The following OPCML variants were observed in gnomAD, a reference collection of about 807,000 sequenced individuals.
OPCML encodes opioid binding protein/cell adhesion molecule like.
A neutral mutation model predicts 37.8 loss-of-function variants in OPCML; 13 were observed. The observed-to-expected ratio is 0.34, with a 90% CI of 0.22 to 0.55. The LOEUF (loss-of-function observed/expected upper bound fraction) is 0.55, where lower values mean the gene tolerates loss of function less well. Ranked by LOEUF, OPCML falls within the 20% of genes least tolerant of loss-of-function variation. The probability of loss-of-function intolerance (pLI) is 0.91; values close to 1 mark genes in which losing one functional copy is unlikely to be tolerated. For missense variants in OPCML, 341 were observed against 435.6 expected, an observed-to-expected ratio of 0.78 and a Z score of 1.93; for synonymous variants, 176 against 168.8, an observed-to-expected ratio of 1.04 and a Z score of -0.33.
chr11:132,962,774 C>A (rs1168569794), intron 1 of OPCML, among the ~76,000 whole-genome samples: 2 of 152,194 alleles, frequency 1.3e-5, no homozygotes, highest in East Asian at 3.9e-4. Context: ...CATTCACGGG[C>A]AGGCACTTCA....
At chr11:132,829,550 T>A (rs1940563297) in intron 2 of OPCML, among the ~76,000 whole-genome samples, 1 of 152,196 alleles carries the variant, frequency 6.6e-6, no homozygotes, top group South Asian at 2.1e-4. Context: ...TCCTCTTGAC[T>A]CATCTCCTGA....
At position 133,206,199 on chromosome 11, in the gene OPCML, C is replaced by T. The variant is rs764431771; in HGVS notation, c.62-263189G>A. On this transcript the variant is annotated intron_variant, in intron 1 of 7. Transcript: ENST00000524381. The surrounding 1 kb of genome is among the most constrained non-coding windows in gnomAD (Gnocchi z 4.7). ...AAACTGCTTCCCATGGTGCCTAAAACGTCATCAATGCTCAATGAATGCGAG... is the reference window on the plus strand; with the variant it reads ...AAACTGCTTCCCATGGTGCCTAAAATGTCATCAATGCTCAATGAATGCGAG... 1.3e-5 allele frequency among the ~76,000 whole-genome samples: 2 copies of T among 152,138 alleles called. No homozygotes were observed. The highest frequency in any genetic ancestry group is 1.9e-4 in the East Asian group (1 of 5,198).
intron 1 of OPCML, among the ~76,000 whole-genome samples, chr11:133,095,197 A>T (rs1391669154): frequency 6.6e-6 from 1 of 150,952 alleles, no homozygotes; most frequent in African/African-American, 2.4e-5. Context: ...TCATCTACTA[A>T]GATGTTTTCT....
chr11:133,515,493 C>T (rs939604786), intron 1 of OPCML, among the ~76,000 whole-genome samples: 8 of 152,042 alleles, frequency 5.3e-5, no homozygotes, highest in Admixed American at 2.0e-4. Context: ...TCAAGAGTGC[C>T]GGGGTTGAAA....
chr11:132,586,906 A>G (rs1351177264), intron 3 of OPCML, among the ~76,000 whole-genome samples: 4 of 152,198 alleles, frequency 2.6e-5, no homozygotes, highest in Non-Finnish European at 4.4e-5. Context: ...TCCCAACACT[A>G]ATAAAGAAGC....
rs1019226022 is a variant in OPCML at position 133,187,812 on chromosome 11, C to G, written c.62-244802G>C. On this transcript the variant is annotated intron_variant, in intron 1 of 7. Transcript: ENST00000524381. ...TTATTTCATGGATCTTTGTAATATT[C>G]CCATGAAGTACAGTGTACAGATGGA... Among the ~76,000 whole-genome samples the G allele has an allele frequency of 5.9e-5, 9 of 152,126 alleles. No homozygotes were observed. In the East Asian group the frequency reaches 1.7e-3, roughly 29 times the overall value.
chr11:133,008,545 C>CT (rs1312898304), intron 1 of OPCML: 21 of 609,574 alleles, frequency 3.4e-5, no homozygotes, highest in Non-Finnish European at 4.3e-5. Context: ...AGCTGAGCCT[C>CT]TCTCTGGGAA....
intron 2 of OPCML, among the ~76,000 whole-genome samples, chr11:132,706,514 G>T (rs771315530): frequency 1.3e-5 from 2 of 152,138 alleles, no homozygotes; most frequent in Non-Finnish European, 2.9e-5. Flanking sequence ...TTGAAATGAT[G>T]TTGCCTGAAG....
chr11:133,158,707 AT>A (rs1209908203), intron 1 of OPCML, among the ~76,000 whole-genome samples: 1,901 of 136,780 alleles, frequency 0.014, 63 homozygotes, highest in African/African-American at 0.048. Context: ...TAAAAATAAA[AT>A]TAAAAAAATA....
chr11:132,725,778 C>CAAAA (rs34622834), intron 2 of OPCML, among the ~76,000 whole-genome samples: 5 of 73,910 alleles, frequency 6.8e-5, no homozygotes, highest in East Asian at 5.0e-4. Context: ...GACTCCATCT[C>CAAAA]AAAAAAAAAA....
chr11:133,002,875 A>G (rs1302984228), intron 1 of OPCML, among the ~76,000 whole-genome samples: 3 of 152,152 alleles, frequency 2.0e-5, no homozygotes, highest in African/African-American at 7.2e-5. Flanking sequence ...AATGCTGGGC[A>G]GTTTGGAGAC....
chr11:133,304,057 T>C (rs1346855989), intron 1 of OPCML, among the ~76,000 whole-genome samples: 3 of 152,234 alleles, frequency 2.0e-5, no homozygotes, highest in Non-Finnish European at 2.9e-5. Flanking sequence ...TTGATAAATT[T>C]GCGTACTGTC....
chr11:132,887,695 T>C (rs867818306), intron 2 of OPCML, among the ~76,000 whole-genome samples: 1 of 152,206 alleles, frequency 6.6e-6, no homozygotes, highest in Non-Finnish European at 1.5e-5. Flanking sequence ...GAGCAAGGGA[T>C]TGAAATATGA....
In OPCML at chr11:133,211,632, C is replaced by T. The variant is rs2136342163; in HGVS notation, c.62-268622G>A. On this transcript the variant is annotated intron_variant, in intron 1 of 7. Transcript: ENST00000524381. This position sits in a 1 kb window ranked among gnomAD's most constrained non-coding sequence, Gnocchi z 4.1. ...AGCTGAGGTACCCAGAGGCCCTTCCCTAATAGCTGGAATTGTATATCTTGT... is the reference window on the plus strand; with the variant it reads ...AGCTGAGGTACCCAGAGGCCCTTCCTTAATAGCTGGAATTGTATATCTTGT... 6.6e-6 allele frequency among the ~76,000 whole-genome samples: 1 copy of T among 152,332 alleles called. No homozygotes were observed. Among genetic ancestry groups the T allele is most frequent in the South Asian group, 2.1e-4 (1 of 4,822 alleles).
At chr11:133,028,614 T>C (rs1410210608) in intron 1 of OPCML, among the ~76,000 whole-genome samples, 1 of 150,548 alleles carries the variant, frequency 6.6e-6, no homozygotes, top group Non-Finnish European at 1.5e-5. Context: ...GACTACTCAG[T>C]TCCCCCATAG....
At chr11:132,774,477 C>T (rs1256680649) in intron 2 of OPCML, among the ~76,000 whole-genome samples, 1 of 152,138 alleles carries the variant, frequency 6.6e-6, no homozygotes, top group African/African-American at 2.4e-5. Flanking sequence ...TGGAAAGCCA[C>T]AAGCCTCGCT....
At chr11:132,687,807 ACTTT>A (rs1943230592) in intron 2 of OPCML, among the ~76,000 whole-genome samples, 2 of 152,118 alleles carry the variant, frequency 1.3e-5, no homozygotes, top group African/African-American at 4.8e-5. Flanking sequence ...CAGTCACTTT[ACTTT>A]CTTTCTTTCT....
intron 3 of OPCML, among the ~76,000 whole-genome samples, chr11:132,623,718 T>C (rs1481561684): frequency 6.6e-6 from 1 of 152,222 alleles, no homozygotes; most frequent in Non-Finnish European, 1.5e-5. Flanking sequence ...CTGATGCCCC[T>C]GGCACAGGGT....
intron 2 of OPCML, among the ~76,000 whole-genome samples, chr11:132,740,703 C>G (rs992752841): frequency 9.2e-5 from 14 of 152,062 alleles, no homozygotes; most frequent in Non-Finnish European, 1.9e-4. Flanking sequence ...ATTTTCATAT[C>G]ATTGAATTTT....
Sources: gnomAD v4.1 joint callset for allele counts (sites outside exome capture counted in the v4.1 genomes callset) on GRCh38, gnomAD v4.1.1 for gene constraint, Gnocchi (gnomAD v3.1) non-coding constraint, MANE v1.5 for transcripts, NCBI Gene and HGNC (gene_info 2026-07-23, HGNC 2026-07-21) for gene names.